IP6K1: variants seen among roughly 807,000 people sequenced by gnomAD.
IP6K1 encodes ATP:1D-myo-inositol-hexakisphosphate phosphotransferase.
Under a neutral mutation model 38.3 loss-of-function variants are expected in IP6K1, and 13 were observed. The observed-to-expected ratio is 0.34, with a 90% CI of 0.22 to 0.54. The LOEUF is 0.54. Among genes scored for constraint, IP6K1 ranks in the 20% least tolerant of loss-of-function variants. IP6K1 has a pLI of 0.92. For synonymous variants in IP6K1, 212 were observed against 229.9 expected (o/e 0.92, Z 0.70); for missense variants, 397 against 599.8 (o/e 0.66, Z 3.53).
chr3:49,758,625 G>T (rs2080844315), intron 1 of IP6K1: 1 of 152,246 alleles, frequency 6.6e-6, no homozygotes. Flanking sequence ...TTTTAGATGA[G>T]AAAAGCTAGT....
intron 2 of IP6K1, among the ~76,000 whole-genome samples, 198 bp from the exon 3 acceptor site, chr3:49,738,620 A>G (rs1315750734): frequency 1.3e-5 from 2 of 152,154 alleles, no homozygotes; most frequent in Non-Finnish European, 2.9e-5. Context: ...GCTAAATCTG[A>G]TGCTTACCTT....
At chr3:49,755,652 TTGGGCTATACAGCTCTGGATTTTA>T (rs951535560) in intron 1 of IP6K1, among the ~76,000 whole-genome samples, 3 of 152,158 alleles carry the variant, frequency 2.0e-5, no homozygotes, top group Non-Finnish European at 4.4e-5. Flanking sequence ...CACATAAAAC[TTGGGCTATACAGCTCTGGATTTTA>T]TGAAAACTAA....
intron 1 of IP6K1, among the ~76,000 whole-genome samples, chr3:49,779,809 C>T (rs2081049523): frequency 6.6e-6 from 1 of 152,160 alleles, no homozygotes; most frequent in African/African-American, 2.4e-5. Context: ...CCCCTGCCTC[C>T]CAAGTAGCCG....
At chr3:49,786,166 C>G (rs917722238) in intron 1 of IP6K1, 188 bp downstream of exon 1, 25 of 152,322 alleles carry the variant, frequency 1.6e-4, no homozygotes. Context: ...TCCACACCGG[C>G]TGTCCCCCCG....
intron 1 of IP6K1, among the ~76,000 whole-genome samples, chr3:49,777,710 C>G (rs1251994236): frequency 1.3e-5 from 2 of 151,272 alleles, no homozygotes; most frequent in East Asian, 2.0e-4. Context: ...GTCAGGAGAT[C>G]GAGACCATCC....
intron 1 of IP6K1, chr3:49,758,497 T>C (rs1449123874): frequency 6.6e-6 from 1 of 152,096 alleles, no homozygotes; most frequent in Non-Finnish European, 1.5e-5. Flanking sequence ...TGCAGTTTCA[T>C]ATTGGTGGAG....
At chr3:49,785,722 T>A (rs2081107411) in intron 1 of IP6K1, 1 of 152,220 alleles carries the variant, frequency 6.6e-6, no homozygotes, top group Non-Finnish European at 1.5e-5. Context: ...AAAGTGGTGG[T>A]GAAGAACCAA....
rs1222209766 is a variant in IP6K1, at chr3:49,726,960, T to C, written c.*162A>G. On this transcript the variant is annotated 3_prime_UTR_variant, in exon 6 of 6. Coordinates refer to ENST00000321599, the MANE Select transcript of IP6K1 (RefSeq NM_153273.4). ...GTGTGGTCTGCCCTCCTTCACTTTATATATATGGATTCCAGGCTACAGCTA... is the reference window on the plus strand; with the variant it reads ...GTGTGGTCTGCCCTCCTTCACTTTACATATATGGATTCCAGGCTACAGCTA... 1 of 725,444 alleles carries C rather than the reference T, an allele frequency of 1.4e-6. No individual in the cohort carries two copies. The highest frequency in any genetic ancestry group is 1.8e-5 in the African/African-American group (1 of 56,534). The allele number at this position is 725,444 out of a possible 1,614,324, so 44.9% of individuals were successfully genotyped here.
chr3:49,775,563 AAG>A lies in IP6K1; in HGVS notation c.-129+10789_-129+10790del, dbSNP rs1424601573. ...AAAGATTGTCAATTTGGGGAGCTCTAAGACAGACCTCTTCTACGAACACAAAA... is the reference window on the plus strand; with the variant it reads ...AAAGATTGTCAATTTGGGGAGCTCTAACAGACCTCTTCTACGAACACAAAA... On this transcript the variant is annotated intron_variant, in intron 1 of 5. Transcript: ENST00000321599. 6 of 1,045,376 alleles carry A rather than the reference AAG, an allele frequency of 5.7e-6. No individual in the cohort carries two copies. The Admixed American group carries it at 6.1e-5, about 11-fold the overall frequency. The allele number at this position is 1,045,376 out of a possible 1,614,324, so 64.8% of individuals were successfully genotyped here.
At chr3:49,730,078 G>C (rs2080549977) in intron 4 of IP6K1, among the ~76,000 whole-genome samples, 1 of 151,982 alleles carries the variant, frequency 6.6e-6, no homozygotes, top group Admixed American at 6.6e-5. Context: ...ATTTTGAGTA[G>C]AGCAGGGTTT....
rs34207764 is a variant in IP6K1, at chr3:49,765,478, TAAAAA to T, written c.-128-17315_-128-17311del. ...AACATGGTCAAACTCTGTTTCTACTTAAAAAAAAAAAAAAAAAAAAAATTAGCAGG... is the reference window on the plus strand; with the variant it reads ...AACATGGTCAAACTCTGTTTCTACTTAAAAAAAAAAAAAAAAATTAGCAGG... On this transcript the variant is annotated intron_variant, in intron 1 of 5. Transcript: ENST00000321599. Among the ~76,000 whole-genome samples the T allele has an allele frequency of 1.0e-4, 11 of 108,454 alleles. No homozygotes were observed. In the Admixed American group the frequency reaches 1.0e-3, roughly 10 times the overall value. The allele number at this position is 108,454 out of a possible 152,430, so 71.2% of individuals were successfully genotyped here.
At chr3:49,764,960 G>A (rs1403290311) in intron 1 of IP6K1, among the ~76,000 whole-genome samples, 9 of 150,264 alleles carry the variant, frequency 6.0e-5, no homozygotes, top group South Asian at 2.1e-4. Flanking sequence ...AAACAAAAAC[G>A]TGTTATGAAA....
intron 1 of IP6K1, among the ~76,000 whole-genome samples, chr3:49,775,959 T>C (rs1003035689): frequency 6.6e-6 from 1 of 151,108 alleles, no homozygotes; most frequent in African/African-American, 2.4e-5. Flanking sequence ...GCTTGAGGAG[T>C]TGACTGTGAA....
intron 1 of IP6K1, among the ~76,000 whole-genome samples, chr3:49,752,050 G>T (rs2080781422): frequency 1.3e-5 from 2 of 152,250 alleles, no homozygotes; most frequent in South Asian, 4.1e-4. Flanking sequence ...CTGTCGTCCA[G>T]GCTGGAGTAC....
rs772467381 is a variant in IP6K1, at chr3:49,747,893, G to T, written c.148C>A (p.Pro50Thr). Residue 50 changes from proline (P) to threonine (T), a missense_variant, in exon 2 of 6, where the codon CCC (proline) becomes ACC (threonine). Coordinates refer to ENST00000321599, the MANE Select transcript of IP6K1 (RefSeq NM_153273.4). ...AAGCGCTGTTCCCGGGAGATGAGGG[G>T]CTTGCACACAGTGTGATCGTCGTAA... ...MRYDDHTVCKPLISREQRFYE... is the reference protein window; with the variant it reads ...MRYDDHTVCKTLISREQRFYE... The T allele has an allele frequency of 3.1e-6, 5 of 1,614,216 alleles. No homozygotes were observed. The highest frequency in any genetic ancestry group is 1.7e-6 in the Non-Finnish European group (2 of 1,180,042).
At chr3:49,741,193 C>T (rs1353177769) in intron 2 of IP6K1, among the ~76,000 whole-genome samples, 1 of 152,152 alleles carries the variant, frequency 6.6e-6, no homozygotes, top group African/African-American at 2.4e-5. Flanking sequence ...AGTGGAATTG[C>T]TGGATCATAT....
At chr3:49,761,240 G>A (rs531304080) in intron 1 of IP6K1, among the ~76,000 whole-genome samples, 16 of 152,122 alleles carry the variant, frequency 1.1e-4, no homozygotes, top group African/African-American at 3.6e-4. Flanking sequence ...ACTTGAACCC[G>A]GGAGGTGGAG....
Position 49,732,941 on chromosome 3 carries a change from G to C in IP6K1, c.466C>G (p.Leu156Val). Reference protein sequence around the residue: ...SQEAKSPKVELHSHSEVPFQM... With the variant: ...SQEAKSPKVEVHSHSEVPFQM... ...AAAGGGACCTCTGAGTGGCTGTGCA[G>C]CTCCACCTTCGGACTCTTTGCCTCC... Residue 156 changes from leucine to valine, a missense_variant, in exon 4 of 6, where the codon CTG (leucine) becomes GTG (valine). By Grantham distance (32) the Leu-to-Val change is conservative. Transcript: ENST00000321599. The C allele has an allele frequency of 6.2e-7, 1 of 1,613,820 alleles. No homozygotes were observed. Among genetic ancestry groups the C allele is most frequent in the South Asian group, 1.1e-5 (1 of 91,042 alleles).
intron 1 of IP6K1, among the ~76,000 whole-genome samples, chr3:49,771,705 G>A (rs1316030006): frequency 6.6e-6 from 1 of 152,152 alleles, no homozygotes. Context: ...CTCTTCAAGA[G>A]AAATGAATGT....
Sources: gnomAD v4.1 joint callset for allele counts (sites outside exome capture counted in the v4.1 genomes callset) on GRCh38, gnomAD v4.1.1 for gene constraint, MANE v1.5 for transcripts, NCBI Gene and HGNC (gene_info 2026-07-23, HGNC 2026-07-21) for gene names.